Variants in FSTL5 observed in about 807,000 individuals in gnomAD.
FSTL5 encodes the protein follistatin like 5, also known as follistatin-related protein 5.
In FSTL5, 62 loss-of-function variants were observed where a neutral mutation model predicts 89.1. That is an observed-to-expected ratio of 0.70 (90% confidence interval 0.57 to 0.86). The LOEUF is 0.86. Ranked by LOEUF, FSTL5 falls within the 40% of genes least tolerant of loss-of-function variation. The probability of loss-of-function intolerance (pLI) is 0.00; values close to 1 mark genes in which losing one functional copy is unlikely to be tolerated. For missense variants in FSTL5, 1,057 were observed against 1,001.6 expected (o/e 1.06, Z -0.75); for synonymous variants, 383 against 346.2 (o/e 1.11, Z -1.18).
intron 6 of FSTL5, among the ~76,000 whole-genome samples, chr4:161,714,803 G>A (rs1368938645): frequency 6.6e-6 from 1 of 152,112 alleles, no homozygotes; most frequent in Non-Finnish European, 1.5e-5. Context: ...AAGAGGTGCA[G>A]CTGGCTTTTA....
At chr4:161,854,602 A>G (rs1387379375) in intron 4 of FSTL5, among the ~76,000 whole-genome samples, 3 of 152,214 alleles carry the variant, frequency 2.0e-5, no homozygotes, top group Admixed American at 6.5e-5. Flanking sequence ...ATAATTTTGT[A>G]GATTCTTTAG....
chr4:162,107,578 G>C (rs982215455), intron 2 of FSTL5, among the ~76,000 whole-genome samples: 1 of 152,068 alleles, frequency 6.6e-6, no homozygotes, highest in Non-Finnish European at 1.5e-5. Flanking sequence ...TTGCTTCCTC[G>C]TGAGTCTTCA....
chr4:162,062,894 T>C (rs1738768429), intron 2 of FSTL5, among the ~76,000 whole-genome samples: 1 of 151,698 alleles, frequency 6.6e-6, no homozygotes. Flanking sequence ...AGACAAAATA[T>C]TGTGTTTTCT....
intron 4 of FSTL5, among the ~76,000 whole-genome samples, chr4:161,838,628 G>C (rs1482242252): frequency 6.6e-6 from 1 of 152,036 alleles, no homozygotes; most frequent in Non-Finnish European, 1.5e-5. Context: ...TAAGAAAAGA[G>C]GATCAAAGGT....
intron 4 of FSTL5, among the ~76,000 whole-genome samples, chr4:161,869,553 T>C (rs1400030970): frequency 6.6e-6 from 1 of 152,202 alleles, no homozygotes; most frequent in African/African-American, 2.4e-5. Flanking sequence ...AGGTGAGTTT[T>C]GCCCTCTAGA....
chr4:161,671,596 G>A (rs954810387), intron 6 of FSTL5, among the ~76,000 whole-genome samples: 2 of 151,926 alleles, frequency 1.3e-5, no homozygotes, highest in East Asian at 1.9e-4. Flanking sequence ...TCATTCTCTT[G>A]GTTCAGAACA....
intron 6 of FSTL5, among the ~76,000 whole-genome samples, chr4:161,706,789 C>A (rs540050509): frequency 6.6e-6 from 1 of 152,038 alleles, no homozygotes; most frequent in South Asian, 2.1e-4. Context: ...TCTGAATGAA[C>A]CAGATTGTTG....
At chr4:161,396,458 A>G (rs1447150916) in intron 15 of FSTL5, among the ~76,000 whole-genome samples, 2 of 150,706 alleles carry the variant, frequency 1.3e-5, no homozygotes, top group Non-Finnish European at 3.0e-5. Context: ...CCTAGCCAAC[A>G]TGGTGAAACT....
intron 3 of FSTL5, among the ~76,000 whole-genome samples, chr4:161,957,685 C>T (rs1735063356): frequency 6.6e-6 from 1 of 152,088 alleles, no homozygotes; most frequent in South Asian, 2.1e-4. Flanking sequence ...AAACATTATG[C>T]AGAATCCTCA....
chr4:161,931,136 C>T (rs1435215043), intron 3 of FSTL5, among the ~76,000 whole-genome samples: 1 of 151,676 alleles, frequency 6.6e-6, no homozygotes, highest in Non-Finnish European at 1.5e-5. Flanking sequence ...TCTAATGCTG[C>T]CAAAGGGGAG....
At chr4:161,609,047 T>C (rs774056349) in intron 7 of FSTL5, among the ~76,000 whole-genome samples, 1 of 152,058 alleles carries the variant, frequency 6.6e-6, no homozygotes, top group African/African-American at 2.4e-5. Context: ...AATATAATTA[T>C]ATTAACTTAC....
intron 7 of FSTL5, among the ~76,000 whole-genome samples, chr4:161,638,352 A>C (rs1178059172): frequency 6.6e-6 from 1 of 152,026 alleles, no homozygotes; most frequent in South Asian, 2.1e-4. Flanking sequence ...TATCAGCTTA[A>C]GGAGATTTTG....
At chr4:161,550,977 C>T (rs1443366194) in intron 8 of FSTL5, among the ~76,000 whole-genome samples, 1 of 150,320 alleles carries the variant, frequency 6.7e-6, no homozygotes, top group Non-Finnish European at 1.5e-5. Context: ...TTAATCCAGT[C>T]TATCATTGTT....
At chr4:161,943,777 G>T (rs140295021) in intron 3 of FSTL5, among the ~76,000 whole-genome samples, 30 of 151,796 alleles carry the variant, frequency 2.0e-4, no homozygotes, top group Admixed American at 7.9e-4. Flanking sequence ...GCATGGTCTC[G>T]ATCTCCTGAC....
intron 3 of FSTL5, among the ~76,000 whole-genome samples, chr4:161,965,963 GA>G (rs1332983497): frequency 2.6e-5 from 4 of 152,080 alleles, no homozygotes; most frequent in African/African-American, 9.7e-5. Context: ...TAAGATAGAT[GA>G]TATTTAAAAC....
At chr4:161,677,274 C>T (rs35252011) in intron 6 of FSTL5, among the ~76,000 whole-genome samples, 52,817 of 150,152 alleles carry the variant, frequency 0.35, 9,458 homozygotes, top group Middle Eastern at 0.51. Flanking sequence ...AAAGAGAGCC[C>T]GAGAGAGAGA....
intron 4 of FSTL5, among the ~76,000 whole-genome samples, chr4:161,796,597 T>C (rs2126825221): frequency 6.6e-6 from 1 of 151,892 alleles, no homozygotes; most frequent in African/African-American, 2.4e-5. Flanking sequence ...TTGTGTACTT[T>C]TGTTTGCTGT....
At chr4:161,593,028 G>GT (rs373976242) in intron 7 of FSTL5, among the ~76,000 whole-genome samples, 1 of 152,100 alleles carries the variant, frequency 6.6e-6, no homozygotes, top group African/African-American at 2.4e-5. Context: ...CCTTCTAAGA[G>GT]TTTTTTGTTC....
chr4:161,663,787 A>G (rs1273170952), intron 6 of FSTL5, among the ~76,000 whole-genome samples: 1 of 152,186 alleles, frequency 6.6e-6, no homozygotes, highest in Non-Finnish European at 1.5e-5. Context: ...ACAGTGCCCT[A>G]GCAGAAGTTC....
Sources: allele counts gnomAD v4.1 joint callset (sites outside exome capture counted in the v4.1 genomes callset), GRCh38; gene constraint gnomAD v4.1.1; transcripts MANE v1.5; gene names NCBI Gene and HGNC (gene_info 2026-07-23, HGNC 2026-07-21).